HTR4: variants seen among roughly 807,000 people sequenced by gnomAD.
HTR4 encodes the protein 5-hydroxytryptamine receptor 4, also known as 5-hydroxytryptamine (serotonin) receptor 4, G protein-coupled.
A neutral mutation model predicts 36.8 loss-of-function variants in HTR4; 16 were observed. The observed-to-expected ratio is 0.43, with a 90% CI of 0.29 to 0.66. The LOEUF (loss-of-function observed/expected upper bound fraction) is 0.66, where lower values mean the gene tolerates loss of function less well. Ranked by LOEUF, HTR4 falls within the 30% of genes least tolerant of loss-of-function variation. The pLI is 0.13. For missense variants in HTR4, 438 were observed against 490.9 expected (o/e 0.89, Z 1.02); for synonymous variants, 189 against 185.1 (o/e 1.02, Z -0.17).
rs565678268 is a variant in HTR4 at position 148,653,293 on chromosome 5, T to C, written c.-48+769A>G. ...AAATGGAAATCAAGCCAAGATTTTC[T>C]CTTAACATTGAACTCTAGGAAGACA... On this transcript the variant is annotated intron_variant, in intron 1 of 6. Coordinates refer to ENST00000377888, the MANE Select transcript of HTR4 (RefSeq NM_000870.7). Among the ~76,000 whole-genome samples the C allele has an allele frequency of 4.6e-5, 7 of 152,310 alleles. No individual in the cohort carries two copies. In the East Asian group the frequency reaches 1.3e-3, roughly 29 times the overall value.
At chr5:148,647,442 C>A (rs1753905809) in intron 1 of HTR4, among the ~76,000 whole-genome samples, 1 of 152,074 alleles carries the variant, frequency 6.6e-6, no homozygotes, top group Admixed American at 6.5e-5. Flanking sequence ...TGGAAATTAC[C>A]AGAGCTTGAG....
intron 4 of HTR4, among the ~76,000 whole-genome samples, chr5:148,540,581 A>G (rs1759072980): frequency 6.6e-6 from 1 of 151,678 alleles, no homozygotes; most frequent in African/African-American, 2.4e-5. Context: ...CGATGTCTGA[A>G]AGATAACTAA....
chr5:148,615,933 A>G (rs892558047), intron 2 of HTR4, among the ~76,000 whole-genome samples: 1 of 152,196 alleles, frequency 6.6e-6, no homozygotes, highest in Non-Finnish European at 1.5e-5. Context: ...ACTGGAAGAT[A>G]CAGTTCGGGC....
chr5:148,574,058 A>G (rs1760786702), intron 2 of HTR4, among the ~76,000 whole-genome samples: 1 of 152,090 alleles, frequency 6.6e-6, no homozygotes, highest in Non-Finnish European at 1.5e-5. Flanking sequence ...TAGGCTGACC[A>G]TTATAGTCCC....
intron 5 of HTR4, among the ~76,000 whole-genome samples, chr5:148,456,191 A>T (rs1420980906): frequency 6.6e-6 from 1 of 152,166 alleles, no homozygotes; most frequent in Admixed American, 6.5e-5. Context: ...CCTGGGTTTG[A>T]GTATTCCCAA....
chr5:148,610,160 G>A (rs1329526345), intron 2 of HTR4, among the ~76,000 whole-genome samples: 1 of 152,172 alleles, frequency 6.6e-6, no homozygotes, highest in African/African-American at 2.4e-5. Context: ...AGCCCTCATA[G>A]TCTTGTGGAT....
intron 2 of HTR4, among the ~76,000 whole-genome samples, chr5:148,610,181 TA>T (rs1369619716): frequency 6.6e-6 from 1 of 152,116 alleles, no homozygotes; most frequent in East Asian, 1.9e-4. Flanking sequence ...AGAAAGCTCC[TA>T]AAGGTGGTGG....
intron 4 of HTR4, among the ~76,000 whole-genome samples, chr5:148,546,461 T>C (rs1403919376): frequency 6.6e-6 from 1 of 152,232 alleles, no homozygotes; most frequent in African/African-American, 2.4e-5. Flanking sequence ...TGGTTCTTAA[T>C]GACCAATTCA....
At chr5:148,496,826 C>T (rs1756705060) in intron 6 of HTR4, among the ~76,000 whole-genome samples, 1 of 152,220 alleles carries the variant, frequency 6.6e-6, no homozygotes, top group East Asian at 1.9e-4. Flanking sequence ...GTGATGTTCA[C>T]CGTACTGTAA....
At chr5:148,532,309 G>T (rs1432919) in intron 4 of HTR4, among the ~76,000 whole-genome samples, 2 of 151,978 alleles carry the variant, frequency 1.3e-5, no homozygotes. Flanking sequence ...TGGGAAAACC[G>T]TCCCCCAACT....
In HTR4 at chr5:148,580,320, G is replaced by A. The variant is rs137960658; in HGVS notation, c.27-30058C>T. ...TCTCTACATAATTAATGTATACTTG[G>A]TGAGTTTGAACATGTTTACACTCAT... On this transcript the variant is annotated intron_variant, in intron 2 of 6. Transcript: ENST00000377888. Among the ~76,000 whole-genome samples the A allele has an allele frequency of 2.2e-4, 34 of 152,094 alleles. No individual in the cohort carries two copies. In the East Asian group the frequency reaches 3.1e-3, roughly 14 times the overall value.
chr5:148,516,312 C>CTTTTTTTTTTTTT (rs954784476), intron 5 of HTR4, among the ~76,000 whole-genome samples: 5 of 76,492 alleles, frequency 6.5e-5, no homozygotes, highest in African/African-American at 1.0e-4. Context: ...ATTCCCCCCT[C>CTTTTTTTTTTTTT]TTTTTTTTTT....
At chr5:148,527,025 G>T (rs1366523155) in intron 4 of HTR4, among the ~76,000 whole-genome samples, 9 of 152,124 alleles carry the variant, frequency 5.9e-5, no homozygotes, top group Admixed American at 5.2e-4. Context: ...TAGAATAATA[G>T]ATTTGGAATG....
At chr5:148,649,056 G>T (rs35660841) in intron 1 of HTR4, among the ~76,000 whole-genome samples, 6,636 of 152,128 alleles carry the variant, frequency 0.044, 208 homozygotes, top group Non-Finnish European at 0.07. Context: ...TAATACAAAA[G>T]TTTTCTTAAA....
At chr5:148,644,166 G>A (rs1051226023) in intron 1 of HTR4, among the ~76,000 whole-genome samples, 13 of 152,058 alleles carry the variant, frequency 8.5e-5, no homozygotes, top group Admixed American at 2.6e-4. Context: ...GAACCACCAC[G>A]GCAAAACAGC....
At chr5:148,464,964 C>T (rs142973166) in intron 5 of HTR4, among the ~76,000 whole-genome samples, 3,434 of 152,040 alleles carry the variant, frequency 0.023, 57 homozygotes, top group South Asian at 0.054. Flanking sequence ...GTGAAAGAAG[C>T]CAATCTGAAA....
intron 2 of HTR4, among the ~76,000 whole-genome samples, chr5:148,614,377 G>A (rs908070792): frequency 4.0e-5 from 6 of 151,878 alleles, no homozygotes; most frequent in East Asian, 1.9e-4. Context: ...AAATAATGCC[G>A]CATATCTACA....
intron 2 of HTR4, among the ~76,000 whole-genome samples, chr5:148,633,789 C>T (rs1160566304): frequency 1.3e-5 from 2 of 152,110 alleles, no homozygotes; most frequent in South Asian, 2.1e-4. Context: ...AATCTACTGA[C>T]AATTTCTTCC....
chr5:148,619,016 G>T (rs7701432), intron 2 of HTR4, among the ~76,000 whole-genome samples: 103,031 of 151,856 alleles, frequency 0.68, 36,743 homozygotes, highest in African/African-American at 0.92. Context: ...GATTCTCTAG[G>T]AGGATTGAAA....
Sources: allele counts gnomAD v4.1 joint callset (sites outside exome capture counted in the v4.1 genomes callset), GRCh38; gene constraint gnomAD v4.1.1; transcripts MANE v1.5; gene names NCBI Gene and HGNC (gene_info 2026-07-23, HGNC 2026-07-21).